PAG1: variants seen among roughly 807,000 people sequenced by gnomAD.
The protein encoded by PAG1 is phosphoprotein associated with glycosphingolipid-enriched microdomains 1.
PAG1 carries 23 observed loss-of-function variants against 31.7 expected under a neutral mutation model. The ratio of observed to expected loss-of-function variants is 0.73; its 90% confidence interval spans 0.52 to 1.03. The LOEUF is 1.03. PAG1 is among the 50% of genes least tolerant of loss of function. PAG1 has a pLI of 0.00. For synonymous variants in PAG1, 214 were observed against 210.3 expected (o/e 1.02, Z -0.15); for missense variants, 473 against 540.7 (o/e 0.87, Z 1.24).
At chr8:81,064,872 G>A (rs1808977295) in intron 2 of PAG1, among the ~76,000 whole-genome samples, 1 of 152,246 alleles carries the variant, frequency 6.6e-6, no homozygotes, top group South Asian at 2.1e-4. Flanking sequence ...GAGAACAACT[G>A]TGACCAGCAG....
At chr8:80,997,590 A>T (rs891753114) in intron 3 of PAG1, among the ~76,000 whole-genome samples, 3 of 152,210 alleles carry the variant, frequency 2.0e-5, no homozygotes, top group African/African-American at 7.2e-5. Context: ...CTCTTATCAG[A>T]CCACATGTGT....
Position 80,975,691 on chromosome 8 carries a change from T to G in PAG1, c.*853A>C, listed in dbSNP as rs1342914756. 5 of 152,292 alleles carry G rather than the reference T, an allele frequency of 3.3e-5. No individual in the cohort carries two copies. Among genetic ancestry groups the G allele is most frequent in the Admixed American group, 1.3e-4 (2 of 15,304 alleles). 9.4% of individuals were successfully genotyped at this position (152,292 alleles called of 1,614,324 possible). A position where few individuals can be genotyped will look rare whatever the true frequency, so the allele number is the denominator to read the frequency against. ...ATTAAGGCTCTCTGTTTTGAAGGAA[T>G]GAGTTCTGGGCTTAAACAAGTCTAG... On this transcript the variant is annotated 3_prime_UTR_variant, in exon 9 of 9. Transcript: ENST00000220597.
chr8:81,032,236 T>G (rs966725631), intron 2 of PAG1, among the ~76,000 whole-genome samples: 3 of 152,020 alleles, frequency 2.0e-5, no homozygotes, highest in Admixed American at 6.5e-5. Context: ...AATAAAAATA[T>G]TTGTAATTTA....
chr8:81,051,655 T>C (rs1432645517), intron 2 of PAG1, among the ~76,000 whole-genome samples: 1 of 152,200 alleles, frequency 6.6e-6, no homozygotes, highest in African/African-American at 2.4e-5. Context: ...AACAACTTTA[T>C]AGAAAACAGA....
intron 1 of PAG1, among the ~76,000 whole-genome samples, chr8:81,096,450 A>G (rs780646066): frequency 4.6e-5 from 7 of 152,200 alleles, no homozygotes; most frequent in Non-Finnish European, 1.0e-4. Context: ...TATTAAGAAT[A>G]AAAGAAAACT....
At chr8:81,018,119 T>C (rs1432331923) in intron 3 of PAG1, among the ~76,000 whole-genome samples, 2 of 152,182 alleles carry the variant, frequency 1.3e-5, no homozygotes, top group Non-Finnish European at 2.9e-5. Context: ...ACAAGCATAA[T>C]ATGAACATTT....
At chr8:81,107,006 C>T (rs6999323) in intron 1 of PAG1, among the ~76,000 whole-genome samples, 150,742 of 151,848 alleles carry the variant, frequency 0.99, 74,826 homozygotes, top group East Asian at 1. Context: ...ACTTATTTTT[C>T]TTTTAAATCA....
At chr8:81,011,487 T>C (rs1049453338) in intron 3 of PAG1, among the ~76,000 whole-genome samples, 3 of 152,084 alleles carry the variant, frequency 2.0e-5, no homozygotes, top group African/African-American at 7.2e-5. Context: ...GAACTGTGAG[T>C]CCATTAAACT....
rs1807507191 is a variant in PAG1, at chr8:80,990,013, G to A, written c.177+1466C>T. Among the ~76,000 whole-genome samples, 1 of 152,126 alleles carries A rather than the reference G, an allele frequency of 6.6e-6. No individual in the cohort carries two copies. On this transcript the variant is annotated intron_variant, in intron 5 of 8. Transcript: ENST00000220597. The surrounding 1 kb of genome is among the most constrained non-coding windows in gnomAD (Gnocchi z 5.1). Reference sequence around the variant, plus strand: ...GCCTGGAGTCTGCATGGGGAGAAGCGACAGTGGGGCGTTCCCTCCATCCCT... The same window carrying A: ...GCCTGGAGTCTGCATGGGGAGAAGCAACAGTGGGGCGTTCCCTCCATCCCT...
intron 3 of PAG1, among the ~76,000 whole-genome samples, chr8:81,009,926 C>T (rs980903342): frequency 1.3e-5 from 2 of 152,140 alleles, no homozygotes; most frequent in Admixed American, 6.5e-5. Flanking sequence ...AAACTTTTTA[C>T]AATACACTAA....
chr8:80,992,084 G>A (rs1344536206), intron 4 of PAG1, among the ~76,000 whole-genome samples: 3 of 152,140 alleles, frequency 2.0e-5, no homozygotes, highest in East Asian at 1.9e-4. Context: ...TAGAGAATAC[G>A]CCGCCCATCC....
intron 1 of PAG1, among the ~76,000 whole-genome samples, chr8:81,081,512 G>T (rs906089513): frequency 6.6e-6 from 1 of 152,070 alleles, no homozygotes; most frequent in African/African-American, 2.4e-5. Flanking sequence ...ATAGAAGGAA[G>T]ATATAGAACA....
At chr8:81,048,742 T>C (rs913147520) in intron 2 of PAG1, among the ~76,000 whole-genome samples, 3 of 152,226 alleles carry the variant, frequency 2.0e-5, no homozygotes, top group African/African-American at 7.2e-5. Flanking sequence ...GCATCATTCG[T>C]ATATATAAAT....
At chr8:81,072,396 G>A (rs550592676) in intron 1 of PAG1, among the ~76,000 whole-genome samples, 58 of 152,234 alleles carry the variant, frequency 3.8e-4, no homozygotes, top group Non-Finnish European at 6.6e-4. Context: ...TGACATTTGG[G>A]GCTGGAGAAT....
chr8:81,019,798 G>A (rs1407601041), intron 3 of PAG1, among the ~76,000 whole-genome samples: 1 of 152,184 alleles, frequency 6.6e-6, no homozygotes, highest in Non-Finnish European at 1.5e-5. Context: ...ACAGCCATGA[G>A]AAGAGGGCCA....
intron 1 of PAG1, among the ~76,000 whole-genome samples, chr8:81,085,758 A>C (rs1373347283): frequency 6.6e-6 from 1 of 152,180 alleles, no homozygotes; most frequent in Non-Finnish European, 1.5e-5. Flanking sequence ...ATGTTGAATA[A>C]ATTTGAGTTT....
chr8:81,038,999 T>A (rs796885351), intron 2 of PAG1, among the ~76,000 whole-genome samples: 8 of 151,816 alleles, frequency 5.3e-5, no homozygotes, highest in African/African-American at 1.9e-4. Flanking sequence ...CTAACAAGAG[T>A]TTTGCAATAG....
At chr8:81,075,586 C>T (rs1809163618) in intron 1 of PAG1, among the ~76,000 whole-genome samples, 1 of 152,180 alleles carries the variant, frequency 6.6e-6, no homozygotes. Context: ...CATATATCCT[C>T]ATCTTACTTA....
chr8:81,106,891 G>A (rs145652251), intron 1 of PAG1, among the ~76,000 whole-genome samples: 175 of 152,240 alleles, frequency 1.1e-3, no homozygotes, highest in African/African-American at 3.6e-3. Flanking sequence ...ATAAGTGTTC[G>A]TTTCCTTTGA....
Sources: allele counts gnomAD v4.1 joint callset (sites outside exome capture counted in the v4.1 genomes callset), GRCh38; gene constraint gnomAD v4.1.1; non-coding constraint Gnocchi (gnomAD v3.1); transcripts MANE v1.5; gene names NCBI Gene and HGNC (gene_info 2026-07-23, HGNC 2026-07-21).